Variants in TBCEL observed in about 807,000 individuals in gnomAD.
TBCEL encodes tubulin folding cofactor E like.
A neutral mutation model predicts 44.2 loss-of-function variants in TBCEL; 15 were observed. The observed-to-expected ratio is 0.34, with a 90% CI of 0.23 to 0.52. TBCEL has a LOEUF of 0.52. TBCEL is among the 20% of genes least tolerant of loss of function. The pLI, the probability that TBCEL is intolerant of heterozygous loss-of-function variation, is 0.95. For missense variants in TBCEL, 319 were observed against 506.3 expected, an observed-to-expected ratio of 0.63 and a Z score of 3.55; for synonymous variants, 171 against 185.4, an observed-to-expected ratio of 0.92 and a Z score of 0.63.
chr11:121,045,247 A>G (rs1034017032), intron 2 of TBCEL, among the ~76,000 whole-genome samples: 4 of 152,156 alleles, frequency 2.6e-5, no homozygotes, highest in Non-Finnish European at 4.4e-5. Flanking sequence ...TTCTTTTACT[A>G]TGGAAGAAGA....
rs368786975 is a variant in TBCEL, at chr11:121,086,850, T to C, written c.1029T>C (p.Ser343=). The C allele has an allele frequency of 2.4e-5, 38 of 1,613,902 alleles. No individual in the cohort carries two copies. Among genetic ancestry groups the C allele is most frequent in the Non-Finnish European group, 2.9e-5 (34 of 1,179,960 alleles). The change falls in exon 9 of 9, where the codon AGT becomes AGC. Residue 343 remains serine, a synonymous_variant. Coordinates refer to ENST00000683345, the MANE Select transcript of TBCEL (RefSeq NM_001363644.2). The part of the protein sequence containing the change: ...LAEVDLRPQS[S]AKVEVHFNDQ... ...AAGTGGACCTAAGACCCCAGAGCAG[T>C]GCAAAAGTAGAAGTCCACTTTAACG... is the stretch of plus-strand genomic sequence containing the variant.
intron 2 of TBCEL, among the ~76,000 whole-genome samples, chr11:121,037,389 A>G (rs1565492424): frequency 6.6e-6 from 1 of 152,232 alleles, no homozygotes; most frequent in Non-Finnish European, 1.5e-5. Flanking sequence ...GCTATATTAC[A>G]TAATGCTCAA....
At chr11:121,028,206 A>AAAAT (rs1054350453) in intron 1 of TBCEL, among the ~76,000 whole-genome samples, 4 of 151,146 alleles carry the variant, frequency 2.6e-5, no homozygotes, top group Non-Finnish European at 2.9e-5. Flanking sequence ...ACTGTTTAAA[A>AAAAT]AAATAAATAA....
intron 6 of TBCEL, chr11:121,057,573 G>C (rs1945644204): frequency 2.2e-6 from 1 of 454,488 alleles, no homozygotes; most frequent in African/African-American, 2.0e-5. Context: ...CTTCATCCAT[G>C]CATTCAACCA....
At chr11:121,042,133 G>A (rs1458887514) in intron 2 of TBCEL, among the ~76,000 whole-genome samples, 1 of 152,040 alleles carries the variant, frequency 6.6e-6, no homozygotes, top group Non-Finnish European at 1.5e-5. Flanking sequence ...GGTTCTGAAG[G>A]CTCCAGACAA....
At chr11:121,077,290 A>G (rs939796450) in intron 8 of TBCEL, among the ~76,000 whole-genome samples, 5 of 152,084 alleles carry the variant, frequency 3.3e-5, no homozygotes, top group African/African-American at 7.2e-5. Flanking sequence ...GGTTTTAACT[A>G]TGAATTAAAT....
intron 8 of TBCEL, among the ~76,000 whole-genome samples, chr11:121,068,828 G>T (rs12794296): frequency 0.064 from 9,664 of 151,224 alleles, 376 homozygotes; most frequent in Middle Eastern, 0.16. Flanking sequence ...CGGAGGTTGC[G>T]GTGAGCTGAG....
At chr11:121,037,730 C>A (rs1945257832) in intron 2 of TBCEL, among the ~76,000 whole-genome samples, 1 of 152,136 alleles carries the variant, frequency 6.6e-6, no homozygotes, top group Non-Finnish European at 1.5e-5. Context: ...AAAAAATGAT[C>A]TAGAAGGATA....
chr11:121,043,967 T>C (rs1945381395), intron 2 of TBCEL, among the ~76,000 whole-genome samples: 1 of 152,130 alleles, frequency 6.6e-6, no homozygotes, highest in Non-Finnish European at 1.5e-5. Flanking sequence ...TTCATCATTT[T>C]CTTCTGTAAA....
At chr11:121,046,742 T>G (rs1201840903) in intron 3 of TBCEL, among the ~76,000 whole-genome samples, 1 of 152,090 alleles carries the variant, frequency 6.6e-6, no homozygotes, top group Non-Finnish European at 1.5e-5. Flanking sequence ...CATTCTCATG[T>G]TTATCCTTTT....
chr11:121,064,057 T>G (rs1945773218), intron 8 of TBCEL, among the ~76,000 whole-genome samples: 1 of 152,228 alleles, frequency 6.6e-6, no homozygotes, highest in Non-Finnish European at 1.5e-5. Flanking sequence ...CCTAGTAATT[T>G]GTAGAACTTA....
In TBCEL at chr11:121,081,128, GA is replaced by G. The variant is rs553200463; in HGVS notation, c.957-5644del. ...GGTGTTTTTATTTAATAAGAAGGGG[GA>G]AAAAACACACCAGTTTGCTTGTGGG... is the stretch of plus-strand genomic sequence containing the variant. On this transcript the variant is annotated intron_variant, in intron 8 of 8. Coordinates refer to ENST00000683345, the MANE Select transcript of TBCEL (RefSeq NM_001363644.2). Among the ~76,000 whole-genome samples, 5 of 152,270 alleles carry G rather than the reference GA, an allele frequency of 3.3e-5. No individual in the cohort carries two copies. In the East Asian group the frequency reaches 7.7e-4, roughly 23 times the overall value.
At chr11:121,062,592 A>G (rs780694901) in intron 8 of TBCEL, among the ~76,000 whole-genome samples, 1 of 152,142 alleles carries the variant, frequency 6.6e-6, no homozygotes, top group Non-Finnish European at 1.5e-5. Context: ...CTAACTGTAC[A>G]GTGAATTGTT....
chr11:121,035,423 G>A (rs537731908), intron 1 of TBCEL: 5 of 150,454 alleles, frequency 3.3e-5, no homozygotes, highest in East Asian at 1.9e-4. Flanking sequence ...TATTGCCATA[G>A]CACTAAATGT....
At chr11:121,082,070 G>A (rs1479393344) in intron 8 of TBCEL, among the ~76,000 whole-genome samples, 2 of 152,216 alleles carry the variant, frequency 1.3e-5, no homozygotes, top group Admixed American at 6.5e-5. Flanking sequence ...GAAGGAACCA[G>A]ATCATGGAGG....
At chr11:121,073,951 T>G (rs1235832768) in intron 8 of TBCEL, among the ~76,000 whole-genome samples, 1 of 152,000 alleles carries the variant, frequency 6.6e-6, no homozygotes, top group Admixed American at 6.6e-5. Flanking sequence ...GAATTTAATT[T>G]TATAATGTTA....
At chr11:121,047,766 G>A (rs1014537376) in intron 4 of TBCEL, 99 bp downstream of exon 4, 18 of 1,433,456 alleles carry the variant, frequency 1.3e-5, no homozygotes, top group Non-Finnish European at 1.6e-5. Flanking sequence ...GTTCTCACTT[G>A]ATGTCTGTAT....
chr11:121,077,838 T>A (rs1433327537), intron 8 of TBCEL, among the ~76,000 whole-genome samples: 1 of 152,164 alleles, frequency 6.6e-6, no homozygotes, highest in African/African-American at 2.4e-5. Flanking sequence ...TTCTAATTTA[T>A]CTTGTGACTT....
At position 121,024,303 on chromosome 11, in the gene TBCEL, C is replaced by CG. The variant is rs899882593; in HGVS notation, c.-126+15dup. On this transcript the variant is annotated intron_variant, in intron 1 of 8. Transcript: ENST00000683345. ...TCCCGGGCTGAGGGGTGAGTGGAGCCGGGCCCGCTGGCTCTGCCGGGCTCT... is the reference window on the plus strand; with the variant it reads ...TCCCGGGCTGAGGGGTGAGTGGAGCCGGGGCCCGCTGGCTCTGCCGGGCTCT... 3.3e-5 allele frequency: 5 copies of CG among 152,444 alleles called. No individual in the cohort carries two copies. Among genetic ancestry groups the CG allele is most frequent in the African/African-American group, 1.2e-4 (5 of 41,466 alleles). The allele number at this position is 152,444 out of a possible 1,614,324, so 9.4% of individuals were successfully genotyped here. A position where few individuals can be genotyped will look rare whatever the true frequency, so the allele number is the denominator to read the frequency against.
Sources: gnomAD v4.1 joint callset for allele counts (sites outside exome capture counted in the v4.1 genomes callset) on GRCh38, gnomAD v4.1.1 for gene constraint, MANE v1.5 for transcripts, NCBI Gene and HGNC (gene_info 2026-07-23, HGNC 2026-07-21) for gene names.